Variants in TTBK2 observed in about 807,000 individuals in gnomAD.
The protein encoded by TTBK2 is tau tubulin kinase 2.
Under a neutral mutation model 110.8 loss-of-function variants are expected in TTBK2, and 28 were observed. That is an observed-to-expected ratio of 0.25 (90% CI 0.19 to 0.35). TTBK2 has a LOEUF of 0.35. Ranked by LOEUF, TTBK2 falls within the 10% of genes least tolerant of loss-of-function variation. TTBK2 has a pLI of 1.00. For synonymous variants in TTBK2, 532 were observed against 527.3 expected, an observed-to-expected ratio of 1.01 and a Z score of -0.12; for missense variants, 1,369 against 1,500.3, an observed-to-expected ratio of 0.91 and a Z score of 1.45.
chr15:42,891,000 C>T (rs928096319), intron 1 of TTBK2, among the ~76,000 whole-genome samples: 5 of 152,020 alleles, frequency 3.3e-5, no homozygotes, highest in African/African-American at 9.7e-5. Context: ...TTGTGAGTAG[C>T]TGGGATTACA....
chr15:42,872,861 T>G (rs2141118022), intron 2 of TTBK2, 103 bp from the exon 3 acceptor site: 1 of 1,368,944 alleles, frequency 7.3e-7, no homozygotes, highest in Non-Finnish European at 9.9e-7. Flanking sequence ...TTATAATCTG[T>G]TTTTTGATAA....
intron 9 of TTBK2, among the ~76,000 whole-genome samples, chr15:42,796,754 C>T (rs1264197188): frequency 6.6e-6 from 1 of 152,190 alleles, no homozygotes. Context: ...ATTGTGTCTC[C>T]AGGATCTCAT....
chr15:42,774,160 G>C (rs143399835), intron 13 of TTBK2, among the ~76,000 whole-genome samples: 1 of 152,182 alleles, frequency 6.6e-6, no homozygotes, highest in Non-Finnish European at 1.5e-5. Context: ...TTTTGCACTT[G>C]ATGTGGAATT....
chr15:42,896,606 G>A (rs1895677784), intron 1 of TTBK2, among the ~76,000 whole-genome samples: 1 of 152,044 alleles, frequency 6.6e-6, no homozygotes, highest in Non-Finnish European at 1.5e-5. Flanking sequence ...AAGCAACATA[G>A]CAAGACCCCA....
chr15:42,848,416 T>A (rs1053204515), intron 3 of TTBK2, among the ~76,000 whole-genome samples: 1 of 152,088 alleles, frequency 6.6e-6, no homozygotes, highest in Non-Finnish European at 1.5e-5. Context: ...ATGGTATGCC[T>A]CTCCATTTAT....
At position 42,756,216 on chromosome 15, in the gene TTBK2, C is replaced by CA. The variant is rs2061944218; in HGVS notation, c.1999-2970dup. Among the ~76,000 whole-genome samples, 18 of 150,682 alleles carry CA rather than the reference C, an allele frequency of 1.2e-4. No homozygotes were observed. In the South Asian group the frequency reaches 3.8e-3, roughly 32 times the overall value. On this transcript the variant is annotated intron_variant, in intron 13 of 14. Coordinates refer to ENST00000267890, the MANE Select transcript of TTBK2 (RefSeq NM_173500.4). ...CTGGACCCTGTCTGAAAAACAAAAA[C>CA]AAAAAAAACCAGTCACCTAATTATT... is the stretch of plus-strand genomic sequence containing the variant.
intron 6 of TTBK2, among the ~76,000 whole-genome samples, chr15:42,826,013 G>A (rs765163646): frequency 5.3e-5 from 8 of 151,342 alleles, no homozygotes; most frequent in Non-Finnish European, 1.0e-4. Context: ...ACACTCTTTT[G>A]GAATATATAT....
intron 7 of TTBK2, among the ~76,000 whole-genome samples, chr15:42,814,063 C>T (rs1891838326): frequency 6.6e-6 from 1 of 151,798 alleles, no homozygotes; most frequent in Non-Finnish European, 1.5e-5. Context: ...TGTCGTCAGC[C>T]CGGGCTGGAG....
At chr15:42,851,909 A>T (rs1893731692) in intron 3 of TTBK2, among the ~76,000 whole-genome samples, 1 of 152,098 alleles carries the variant, frequency 6.6e-6, no homozygotes, top group South Asian at 2.1e-4. Context: ...TTTATTAGTG[A>T]AATGGAGGAA....
intron 3 of TTBK2, among the ~76,000 whole-genome samples, chr15:42,865,541 C>CT (rs1894340586): frequency 6.7e-6 from 1 of 148,882 alleles, no homozygotes; most frequent in Non-Finnish European, 1.5e-5. Flanking sequence ...CAACAACAGG[C>CT]TGGGCACAGT....
chr15:42,778,926 A>C (rs1890056016), intron 11 of TTBK2, among the ~76,000 whole-genome samples: 1 of 152,232 alleles, frequency 6.6e-6, no homozygotes, highest in African/African-American at 2.4e-5. Flanking sequence ...AAGCAAGATA[A>C]ATATATGCTT....
intron 1 of TTBK2, among the ~76,000 whole-genome samples, chr15:42,901,881 T>C (rs2030039442): frequency 6.6e-6 from 1 of 152,090 alleles, no homozygotes; most frequent in Non-Finnish European, 1.5e-5. Flanking sequence ...CATGAAAAGA[T>C]AGCCCCAACA....
chr15:42,794,987 T>C, intron 9 of TTBK2, 186 bp from the exon 10 acceptor site: 1 of 703,814 alleles, frequency 1.4e-6, no homozygotes, highest in South Asian at 1.7e-5. Context: ...AATGTTGATT[T>C]TTCTCCGTTG....
At chr15:42,848,262 T>C (rs919231724) in intron 3 of TTBK2, among the ~76,000 whole-genome samples, 1 of 152,132 alleles carries the variant, frequency 6.6e-6, no homozygotes, top group Non-Finnish European at 1.5e-5. Context: ...TCTAGGTCCT[T>C]TGCCCTTCTA....
At chr15:42,786,555 T>C (rs565366140) in intron 10 of TTBK2, among the ~76,000 whole-genome samples, 2 of 152,218 alleles carry the variant, frequency 1.3e-5, no homozygotes, top group African/African-American at 4.8e-5. Context: ...CTGCTTTTTT[T>C]CCAACTACCT....
intron 9 of TTBK2, chr15:42,801,968 A>G: frequency 6.3e-7 from 1 of 1,578,396 alleles, no homozygotes; most frequent in South Asian, 1.1e-5. Context: ...TCCAGCTGCC[A>G]CTTAAGGTTG....
At chr15:42,918,293 C>A (rs890392554) in intron 1 of TTBK2, among the ~76,000 whole-genome samples, 1 of 151,896 alleles carries the variant, frequency 6.6e-6, no homozygotes, top group Non-Finnish European at 1.5e-5. Context: ...TCTCAAACTC[C>A]TGGGCTCAAG....
chr15:42,859,090 T>A (rs1894055623), intron 3 of TTBK2, among the ~76,000 whole-genome samples: 1 of 152,114 alleles, frequency 6.6e-6, no homozygotes, highest in Non-Finnish European at 1.5e-5. Context: ...ATTTATTTTT[T>A]ATTTAATTTT....
intron 12 of TTBK2, chr15:42,776,798 G>A: frequency 1.7e-6 from 1 of 587,768 alleles, no homozygotes; most frequent in Non-Finnish European, 3.0e-6. Flanking sequence ...TTACTGCTCA[G>A]CTTCCAAAGC....
Sources: gnomAD v4.1 joint callset for allele counts (sites outside exome capture counted in the v4.1 genomes callset) on GRCh38, gnomAD v4.1.1 for gene constraint, MANE v1.5 for transcripts, NCBI Gene and HGNC (gene_info 2026-07-23, HGNC 2026-07-21) for gene names.